The following LTBP1 variants were observed in gnomAD, a reference collection of about 807,000 sequenced individuals.
The protein encoded by LTBP1 is latent-transforming growth factor beta-binding protein 1.
Under a neutral mutation model 207.6 loss-of-function variants are expected in LTBP1, and 129 were observed. The observed-to-expected ratio is 0.62, with a 90% confidence interval of 0.54 to 0.72. The LOEUF is 0.72. Ranked by LOEUF, LTBP1 falls within the 30% of genes least tolerant of loss-of-function variation. The pLI, the probability that LTBP1 is intolerant of heterozygous loss-of-function variation, is 0.00. For missense variants in LTBP1, 2,281 were observed against 2,217.2 expected (o/e 1.03, Z -0.58); for synonymous variants, 963 against 833.7 (o/e 1.16, Z -2.67).
intron 7 of LTBP1, among the ~76,000 whole-genome samples, chr2:33,205,592 T>G (rs575382159): frequency 6.6e-6 from 1 of 152,346 alleles, no homozygotes; most frequent in East Asian, 1.9e-4. Context: ...TATGGCTTCC[T>G]TAATTCCTAC....
Position 33,364,246 on chromosome 2 carries a change from G to A in LTBP1, c.4430G>A (p.Cys1477Tyr). 6.2e-7 allele frequency: 1 copy of A among 1,613,970 alleles called. No individual in the cohort carries two copies. Among genetic ancestry groups the A allele is most frequent in the Non-Finnish European group, 8.5e-7 (1 of 1,179,944 alleles). Residue 1477 changes from cysteine (C) to tyrosine (Y), a missense_variant, in exon 30 of 34, where the codon TGT becomes TAT. Cys to Tyr is a radical substitution (Grantham distance 194). Transcript: ENST00000404816. Reference sequence around the variant, plus strand: ...GATGAATGTCAAGACCCCAGTAGTTGTATTGATGGCCAGTGTGTTAATACA... The same window carrying A: ...GATGAATGTCAAGACCCCAGTAGTTATATTGATGGCCAGTGTGTTAATACA... ...DMDECQDPSS[C>Y]IDGQCVNTEG... is the part of the protein sequence containing the mutation.
intron 11 of LTBP1, among the ~76,000 whole-genome samples, chr2:33,255,046 T>C (rs2092811277): frequency 7.3e-6 from 1 of 137,408 alleles, no homozygotes; most frequent in South Asian, 2.8e-4. Context: ...CATCTAGCAT[T>C]AGGTATATCT....
intron 5 of LTBP1, among the ~76,000 whole-genome samples, chr2:33,160,250 A>G (rs576129140): frequency 5.3e-5 from 8 of 152,330 alleles, no homozygotes; most frequent in African/African-American, 1.9e-4. Flanking sequence ...GACAATTTCC[A>G]TTTCTGTAGC....
intron 6 of LTBP1, 82 bp downstream of exon 6, chr2:33,187,162 C>T: frequency 4.1e-6 from 5 of 1,219,238 alleles, no homozygotes; most frequent in South Asian, 1.4e-5. Flanking sequence ...CTGCGGGTGG[C>T]CAGGGCTGGT....
At chr2:33,080,592 C>T (rs954908606) in intron 3 of LTBP1, among the ~76,000 whole-genome samples, 14 of 152,254 alleles carry the variant, frequency 9.2e-5, no homozygotes, top group Admixed American at 8.5e-4. Context: ...AAAGACTGTT[C>T]TATTTCAAAT....
chr2:33,164,258 A>G (rs977764213), intron 5 of LTBP1, among the ~76,000 whole-genome samples: 4 of 146,028 alleles, frequency 2.7e-5, no homozygotes, highest in Admixed American at 7.0e-5. Flanking sequence ...CTGAGGCAGG[A>G]GAATTGCCCT....
At chr2:33,090,077 T>C (rs1333963015) in intron 3 of LTBP1, among the ~76,000 whole-genome samples, 1 of 152,278 alleles carries the variant, frequency 6.6e-6, no homozygotes, top group African/African-American at 2.4e-5. Context: ...ACTAGACTTT[T>C]ACATTTAAAA....
chr2:33,269,722 G>T (rs567006499), intron 15 of LTBP1, among the ~76,000 whole-genome samples: 1 of 152,114 alleles, frequency 6.6e-6, no homozygotes. Flanking sequence ...TTTGCATGCC[G>T]ATGTGTGAGT....
intron 2 of LTBP1, among the ~76,000 whole-genome samples, chr2:32,953,817 C>T (rs1041052061): frequency 7.2e-5 from 11 of 152,160 alleles, no homozygotes; most frequent in Non-Finnish European, 1.3e-4. Flanking sequence ...CAGACGTACT[C>T]AAACATGTTC....
At chr2:33,256,928 G>T (rs2092877492) in intron 11 of LTBP1, among the ~76,000 whole-genome samples, 1 of 149,594 alleles carries the variant, frequency 6.7e-6, no homozygotes, top group African/African-American at 2.5e-5. Context: ...TATCCACAGG[G>T]GTTATCCTAG....
At chr2:33,259,505 T>G (rs547146708) in intron 12 of LTBP1, 83 bp from the exon 13 acceptor site, 2 of 964,590 alleles carry the variant, frequency 2.1e-6, no homozygotes, top group African/African-American at 1.7e-5. Context: ...GATAATGGAC[T>G]TCTATTGTTT....
chr2:33,236,316 G>T (rs1259673126), intron 9 of LTBP1, among the ~76,000 whole-genome samples: 3 of 152,214 alleles, frequency 2.0e-5, no homozygotes, highest in African/African-American at 7.2e-5. Flanking sequence ...CAATGGCTCA[G>T]TGGGAACTGA....
At chr2:33,309,176 G>A (rs1487362305) in intron 22 of LTBP1, among the ~76,000 whole-genome samples, 1 of 151,602 alleles carries the variant, frequency 6.6e-6, no homozygotes, top group Non-Finnish European at 1.5e-5. Flanking sequence ...CCAACTACTC[G>A]GGAGGCTGAG....
intron 31 of LTBP1, among the ~76,000 whole-genome samples, chr2:33,374,458 C>A (rs561571276): frequency 6.6e-6 from 1 of 152,270 alleles, no homozygotes; most frequent in African/African-American, 2.4e-5. Context: ...GAAACAATAA[C>A]CGCTAGTCAC....
intron 2 of LTBP1, among the ~76,000 whole-genome samples, chr2:33,017,921 G>A (rs1370781720): frequency 6.6e-6 from 1 of 152,124 alleles, no homozygotes; most frequent in Non-Finnish European, 1.5e-5. Flanking sequence ...GCTTCTCTTG[G>A]GAGTTAGGGA....
At chr2:33,295,257 T>G (rs2093852396) in intron 20 of LTBP1, among the ~76,000 whole-genome samples, 1 of 152,112 alleles carries the variant, frequency 6.6e-6, no homozygotes, top group African/African-American at 2.4e-5. Flanking sequence ...TATAAACGTA[T>G]GTACATGTGG....
At chr2:33,224,240 C>G (rs1353571375) in intron 9 of LTBP1, among the ~76,000 whole-genome samples, 2 of 152,196 alleles carry the variant, frequency 1.3e-5, no homozygotes, top group Non-Finnish European at 2.9e-5. Context: ...TTGGGGAACT[C>G]TATTCCACAG....
chr2:33,310,114 AT>A (rs1236455179), intron 23 of LTBP1, among the ~76,000 whole-genome samples: 35 of 151,470 alleles, frequency 2.3e-4, no homozygotes, highest in African/African-American at 8.5e-4. Flanking sequence ...CACCCGGCAA[AT>A]TTTTGTATTT....
chr2:33,327,257 G>T (rs144004726), intron 24 of LTBP1, among the ~76,000 whole-genome samples: 2 of 152,092 alleles, frequency 1.3e-5, no homozygotes, highest in East Asian at 1.9e-4. Flanking sequence ...CATGAAATAG[G>T]TCTTACTTCC....
Sources: gnomAD v4.1 joint callset for allele counts (sites outside exome capture counted in the v4.1 genomes callset) on GRCh38, gnomAD v4.1.1 for gene constraint, MANE v1.5 for transcripts, NCBI Gene and HGNC (gene_info 2026-07-23, HGNC 2026-07-21) for gene names.